The following RSRC1 variants were observed in gnomAD, a reference collection of about 807,000 sequenced individuals.
The protein encoded by RSRC1 is arginine and serine rich coiled-coil 1, also known as serine/Arginine-related protein 53.
In RSRC1, 39 loss-of-function variants were observed where a neutral mutation model predicts 49.1. The observed-to-expected ratio is 0.79, with a 90% CI of 0.61 to 1.04. The LOEUF (loss-of-function observed/expected upper bound fraction) is 1.04, where lower values mean the gene tolerates loss of function less well. Among genes scored for constraint, RSRC1 ranks in the 50% least tolerant of loss-of-function variants. The pLI is 0.00. For synonymous variants in RSRC1, 143 were observed against 130.8 expected (o/e 1.09, Z -0.63); for missense variants, 388 against 402.4 (o/e 0.96, Z 0.31).
intron 6 of RSRC1, among the ~76,000 whole-genome samples, chr3:158,425,045 A>G (rs1314493159): frequency 6.6e-6 from 1 of 150,700 alleles, no homozygotes; most frequent in Non-Finnish European, 1.5e-5. Context: ...TGGATTCGTT[A>G]ATTTTTTGAA....
At chr3:158,529,599 A>C (rs1052633652) in intron 7 of RSRC1, among the ~76,000 whole-genome samples, 3 of 151,914 alleles carry the variant, frequency 2.0e-5, no homozygotes, top group Non-Finnish European at 2.9e-5. Context: ...TGCTGTTACT[A>C]TTACTTACTT....
chr3:158,218,407 A>G (rs1267181951), intron 4 of RSRC1, among the ~76,000 whole-genome samples: 1 of 151,688 alleles, frequency 6.6e-6, no homozygotes, highest in Non-Finnish European at 1.5e-5. Flanking sequence ...TATGTATTTA[A>G]TGATAGGTTT....
chr3:158,147,006 C>T (rs994257858), intron 3 of RSRC1, among the ~76,000 whole-genome samples: 3 of 151,782 alleles, frequency 2.0e-5, no homozygotes, highest in Middle Eastern at 3.4e-3. Flanking sequence ...CAAGATTTTC[C>T]CCATGGCTGC....
intron 5 of RSRC1, chr3:158,336,324 A>G (rs1729886091): frequency 6.6e-6 from 1 of 152,168 alleles, no homozygotes; most frequent in Admixed American, 6.5e-5. Context: ...GATGAGGGTG[A>G]GGTGGGGATG....
chr3:158,440,934 C>T (rs1364495104), intron 6 of RSRC1, among the ~76,000 whole-genome samples: 1 of 151,936 alleles, frequency 6.6e-6, no homozygotes, highest in Non-Finnish European at 1.5e-5. Context: ...ATGAGCAAAA[C>T]TCCATCTCAT....
chr3:158,276,768 G>A (rs1362698919), intron 4 of RSRC1, among the ~76,000 whole-genome samples: 1 of 152,044 alleles, frequency 6.6e-6, no homozygotes, highest in Non-Finnish European at 1.5e-5. Flanking sequence ...CTTGTATTTT[G>A]TTGCATGTTA....
intron 4 of RSRC1, among the ~76,000 whole-genome samples, chr3:158,284,861 G>A (rs1363925883): frequency 1.3e-5 from 2 of 150,246 alleles, no homozygotes; most frequent in Non-Finnish European, 1.5e-5. Context: ...CACTCTGATG[G>A]TAGTTTCTTT....
intron 4 of RSRC1, among the ~76,000 whole-genome samples, chr3:158,259,553 C>T (rs1291177244): frequency 6.6e-6 from 1 of 152,182 alleles, no homozygotes; most frequent in East Asian, 1.9e-4. Context: ...GGGTCTTGTG[C>T]ATGGCCTGCG....
chr3:158,369,482 C>T (rs1336665290), intron 6 of RSRC1, among the ~76,000 whole-genome samples: 2 of 152,022 alleles, frequency 1.3e-5, no homozygotes, highest in East Asian at 1.9e-4. Flanking sequence ...AGACCACATA[C>T]GTAGACTGTA....
chr3:158,362,112 G>C (rs909460083), intron 6 of RSRC1, among the ~76,000 whole-genome samples: 7 of 152,176 alleles, frequency 4.6e-5, no homozygotes, highest in African/African-American at 1.7e-4. Flanking sequence ...GCCAAGATGG[G>C]AGGATCATTT....
intron 4 of RSRC1, among the ~76,000 whole-genome samples, chr3:158,214,222 C>T (rs115286132): frequency 0.014 from 2,157 of 151,720 alleles, 23 homozygotes; most frequent in Middle Eastern, 0.031. Context: ...TAGTAGTTTT[C>T]GGTTATCAAA....
At chr3:158,422,814 C>T (rs1013114913) in intron 6 of RSRC1, among the ~76,000 whole-genome samples, 7 of 149,262 alleles carry the variant, frequency 4.7e-5, no homozygotes, top group African/African-American at 1.0e-4. Context: ...ATTTGCGTTT[C>T]TCTGATGGCC....
intron 7 of RSRC1, among the ~76,000 whole-genome samples, chr3:158,510,187 A>C (rs1428522725): frequency 2.0e-5 from 3 of 152,202 alleles, no homozygotes; most frequent in African/African-American, 7.2e-5. Context: ...TTGCAAGGTC[A>C]TTTCCAAGAT....
At chr3:158,221,035 T>G (rs1384539682) in intron 4 of RSRC1, among the ~76,000 whole-genome samples, 4 of 151,616 alleles carry the variant, frequency 2.6e-5, no homozygotes, top group African/African-American at 7.3e-5. Context: ...AAGTATTGAT[T>G]TCTGAAAATT....
At chr3:158,443,255 T>C (rs1017767297) in intron 6 of RSRC1, among the ~76,000 whole-genome samples, 1 of 152,146 alleles carries the variant, frequency 6.6e-6, no homozygotes, top group Non-Finnish European at 1.5e-5. Flanking sequence ...TCTCTACCTA[T>C]GACAATCCTA....
At chr3:158,141,485 C>T (rs987048523) in intron 3 of RSRC1, among the ~76,000 whole-genome samples, 4 of 152,176 alleles carry the variant, frequency 2.6e-5, no homozygotes, top group African/African-American at 9.7e-5. Flanking sequence ...CAGAAATATT[C>T]AAGCAGCTTT....
chr3:158,196,452 ACAGTTTG>A (rs1335755176), intron 3 of RSRC1, among the ~76,000 whole-genome samples: 1 of 152,168 alleles, frequency 6.6e-6, no homozygotes, highest in Non-Finnish European at 1.5e-5. Context: ...GCAAACAGGG[ACAGTTTG>A]ACTTCCTCTT....
chr3:158,260,055 A>G (rs1445908344), intron 4 of RSRC1, among the ~76,000 whole-genome samples: 1 of 152,094 alleles, frequency 6.6e-6, no homozygotes, highest in Non-Finnish European at 1.5e-5. Context: ...CCAGGTGTCC[A>G]CTTGGTGCTC....
At chr3:158,200,817 A>G (rs1021887972) in intron 3 of RSRC1, among the ~76,000 whole-genome samples, 1 of 152,122 alleles carries the variant, frequency 6.6e-6, no homozygotes, top group Non-Finnish European at 1.5e-5. Context: ...TATTTGTATT[A>G]TGTCTACTTT....
Sources: gnomAD v4.1 joint callset for allele counts (sites outside exome capture counted in the v4.1 genomes callset) on GRCh38, gnomAD v4.1.1 for gene constraint, MANE v1.5 for transcripts, NCBI Gene and HGNC (gene_info 2026-07-23, HGNC 2026-07-21) for gene names.